The following MED27 variants were observed in gnomAD, a reference collection of about 807,000 sequenced individuals.
MED27 encodes the protein mediator complex subunit 27, also known as mediator of RNA polymerase II transcription subunit 27.
Under a neutral mutation model 38.2 loss-of-function variants are expected in MED27, and 30 were observed. The ratio of observed to expected loss-of-function variants is 0.79; its 90% CI spans 0.59 to 1.07. The LOEUF is 1.07. Among genes scored for constraint, MED27 ranks in the 50% least tolerant of loss-of-function variants. The pLI is 0.00. For missense variants in MED27, 289 were observed against 397.5 expected, an observed-to-expected ratio of 0.73 and a Z score of 2.32; for synonymous variants, 122 against 153.5, an observed-to-expected ratio of 0.79 and a Z score of 1.52.
In MED27 at chr9:131,969,077, A is replaced by G. The variant is rs1831418402; in HGVS notation, c.480-29603T>C. ...ATCCTACATTATGATGAGTTATGTA[A>G]TTATTTTATTATATATGACAATGTA... On this transcript the variant is annotated intron_variant, in intron 3 of 7. Transcript: ENST00000292035. Among the ~76,000 whole-genome samples, 5 of 152,324 alleles carry G rather than the reference A, an allele frequency of 3.3e-5. No homozygotes were observed. In the South Asian group the frequency reaches 1.0e-3, roughly 32 times the overall value.
chr9:131,936,595 G>T (rs917980508), intron 4 of MED27, among the ~76,000 whole-genome samples: 2 of 152,214 alleles, frequency 1.3e-5, no homozygotes, highest in Non-Finnish European at 2.9e-5. Context: ...GTATGCACAG[G>T]GATGGAAGGC....
In MED27 at chr9:132,031,811, T is replaced by C. The variant is rs1156327100; in HGVS notation, c.349-17344A>G. 5 of 151,272 alleles carry C rather than the reference T, an allele frequency of 3.3e-5. No individual in the cohort carries two copies. The East Asian group carries it at 9.7e-4, about 29-fold the overall frequency. The allele number at this position is 151,272 out of a possible 1,614,324, so 9.4% of individuals were successfully genotyped here. ...ATACCAGGAAAAAAAAAACAGGGCCTCAAAGTTAAACAGATCCTGAAAATG... is the reference window on the plus strand; with the variant it reads ...ATACCAGGAAAAAAAAAACAGGGCCCCAAAGTTAAACAGATCCTGAAAATG... On this transcript the variant is annotated intron_variant, in intron 2 of 7. Transcript: ENST00000292035.
chr9:131,897,530 T>C (rs1437931846), intron 4 of MED27, among the ~76,000 whole-genome samples: 10 of 152,196 alleles, frequency 6.6e-5, no homozygotes, highest in Admixed American at 6.5e-4. Flanking sequence ...GGTGTCATGG[T>C]TCTGCTTATG....
At chr9:132,002,992 C>G (rs1488462811) in intron 3 of MED27, among the ~76,000 whole-genome samples, 1 of 150,730 alleles carries the variant, frequency 6.6e-6, no homozygotes, top group Non-Finnish European at 1.5e-5. Context: ...ACAGAAAGAT[C>G]TGAAACAAAA....
chr9:132,027,011 C>T (rs1373261625), intron 2 of MED27, among the ~76,000 whole-genome samples: 1 of 152,180 alleles, frequency 6.6e-6, no homozygotes, highest in Non-Finnish European at 1.5e-5. Flanking sequence ...CACTCAACTG[C>T]CTCTCCAGGA....
At chr9:131,908,437 G>A (rs934235765) in intron 4 of MED27, among the ~76,000 whole-genome samples, 61 of 152,244 alleles carry the variant, frequency 4.0e-4, no homozygotes, top group East Asian at 1.9e-4. Flanking sequence ...AATAGAAAGC[G>A]GGGAAAGGTG....
chr9:131,984,125 AT>A (rs1475606155), intron 3 of MED27, among the ~76,000 whole-genome samples: 1 of 151,942 alleles, frequency 6.6e-6, no homozygotes, highest in Non-Finnish European at 1.5e-5. Flanking sequence ...CCCTCCCCAC[AT>A]TTGCTCAGAT....
At chr9:131,936,724 T>C (rs1301687042) in intron 4 of MED27, among the ~76,000 whole-genome samples, 2 of 152,248 alleles carry the variant, frequency 1.3e-5, no homozygotes, top group Non-Finnish European at 2.9e-5. Context: ...GATTAATCAC[T>C]GAGTCTGATG....
At chr9:131,975,879 CT>C (rs1442303162) in intron 3 of MED27, among the ~76,000 whole-genome samples, 1 of 152,212 alleles carries the variant, frequency 6.6e-6, no homozygotes, top group Non-Finnish European at 1.5e-5. Context: ...ATTCTGCCAG[CT>C]CTCCAAGGGA....
chr9:131,961,004 A>G (rs1419014613), intron 3 of MED27, among the ~76,000 whole-genome samples: 1 of 152,220 alleles, frequency 6.6e-6, no homozygotes, highest in East Asian at 1.9e-4. Flanking sequence ...AGAGGCATGC[A>G]GGGTTAAAGC....
rs998715610 is a variant in MED27 at position 131,982,304 on chromosome 9, C to G, written c.479+32033G>C. ...TCCAGCTCTTCTGCTCAAGAGATCA[C>G]GTGCAGAGGCCACACGGAGAGGGAG... On this transcript the variant is annotated intron_variant, in intron 3 of 7. Coordinates refer to ENST00000292035, the MANE Select transcript of MED27 (RefSeq NM_004269.4). The surrounding 1 kb of genome is among the most constrained non-coding windows in gnomAD (Gnocchi z 4.3). 6.6e-6 allele frequency among the ~76,000 whole-genome samples: 1 copy of G among 152,178 alleles called. No homozygotes were observed. The highest frequency in any genetic ancestry group is 1.9e-4 in the East Asian group (1 of 5,190).
chr9:132,047,596 A>G (rs1006374883), intron 2 of MED27, among the ~76,000 whole-genome samples: 1 of 151,930 alleles, frequency 6.6e-6, no homozygotes, highest in Non-Finnish European at 1.5e-5. Context: ...TTCTTCCGAG[A>G]CTCTATCTTT....
chr9:132,045,137 TA>T (rs57244815), intron 2 of MED27, among the ~76,000 whole-genome samples: 1 of 151,842 alleles, frequency 6.6e-6, no homozygotes, highest in Non-Finnish European at 1.5e-5. Flanking sequence ...GGAGATACTT[TA>T]AAAAAACAAA....
At chr9:131,981,189 A>C (rs6597540) in intron 3 of MED27, among the ~76,000 whole-genome samples, 87,737 of 152,106 alleles carry the variant, frequency 0.58, 26,790 homozygotes, top group Non-Finnish European at 0.68. Context: ...ATGAAACTTA[A>C]TTTCACACCT....
chr9:132,051,209 A>G lies in MED27; in HGVS notation c.348+26233T>C, dbSNP rs1388111899. Reference sequence around the variant, plus strand: ...ATTATCAATTATTTACTGATAAATTAGATCAGATTCAAGGTTATCCCTAAT... The same window carrying G: ...ATTATCAATTATTTACTGATAAATTGGATCAGATTCAAGGTTATCCCTAAT... On this transcript the variant is annotated intron_variant, in intron 2 of 7. Coordinates refer to ENST00000292035, the MANE Select transcript of MED27 (RefSeq NM_004269.4). This position sits in a 1 kb window ranked among gnomAD's most constrained non-coding sequence, Gnocchi z 4.2. 1.3e-5 allele frequency among the ~76,000 whole-genome samples: 2 copies of G among 152,256 alleles called. No homozygotes were observed. Among genetic ancestry groups the G allele is most frequent in the Non-Finnish European group, 2.9e-5 (2 of 68,048 alleles).
At chr9:131,900,892 T>C (rs376412359) in intron 4 of MED27, among the ~76,000 whole-genome samples, 3 of 151,126 alleles carry the variant, frequency 2.0e-5, no homozygotes, top group African/African-American at 7.3e-5. Context: ...TTAAATGATG[T>C]TTTTCCAAGT....
At chr9:132,027,854 T>C (rs1440566624) in intron 2 of MED27, among the ~76,000 whole-genome samples, 1 of 152,138 alleles carries the variant, frequency 6.6e-6, no homozygotes, top group Non-Finnish European at 1.5e-5. Context: ...CCAAAACACA[T>C]TCAGATGCCC....
chr9:132,072,504 T>A (rs553966271), intron 2 of MED27, among the ~76,000 whole-genome samples: 1 of 152,244 alleles, frequency 6.6e-6, no homozygotes, highest in Admixed American at 6.5e-5. Context: ...TGGCTGTATT[T>A]CATTGTTTTC....
intron 6 of MED27, among the ~76,000 whole-genome samples, chr9:131,870,300 C>T (rs926363436): frequency 6.6e-6 from 1 of 152,172 alleles, no homozygotes; most frequent in Non-Finnish European, 1.5e-5. Flanking sequence ...CTGGATCTGT[C>T]CCTTGTGAGC....
Sources: allele counts gnomAD v4.1 joint callset (sites outside exome capture counted in the v4.1 genomes callset), GRCh38; gene constraint gnomAD v4.1.1; non-coding constraint Gnocchi (gnomAD v3.1); transcripts MANE v1.5; gene names NCBI Gene and HGNC (gene_info 2026-07-23, HGNC 2026-07-21).